PGM3: variants seen among roughly 807,000 people sequenced by gnomAD.
The protein encoded by PGM3 is phosphoglucomutase 3, also known as phosphoacetylglucosamine mutase.
In PGM3, 40 loss-of-function variants were observed where a neutral mutation model predicts 66.2. That is an observed-to-expected ratio of 0.60 (90% confidence interval 0.47 to 0.79). The LOEUF (loss-of-function observed/expected upper bound fraction) is 0.79, where lower values mean the gene tolerates loss of function less well. Among genes scored for constraint, PGM3 ranks in the 30% least tolerant of loss-of-function variants. PGM3 has a pLI of 0.00. For missense variants in PGM3, 537 were observed against 643.4 expected (o/e 0.83, Z 1.79); for synonymous variants, 191 against 224.2 (o/e 0.85, Z 1.32).
intron 5 of PGM3, among the ~76,000 whole-genome samples, chr6:83,182,427 C>T (rs1788242778): frequency 6.6e-6 from 1 of 152,162 alleles, no homozygotes; most frequent in African/African-American, 2.4e-5. Flanking sequence ...GACATATACT[C>T]AATATTTGTT....
Position 83,165,818 on chromosome 6 carries a change from G to A in PGM3, c.*3416C>T. On this transcript the variant is annotated 3_prime_UTR_variant, in exon 13 of 13. Coordinates refer to ENST00000513973, the MANE Select transcript of PGM3 (RefSeq NM_015599.3). ...CGTGAAAAGAATTGGGCCCTTTCTG[G>A]TGGCCAATGCCGGCTGCAGGCATTG... The A allele has an allele frequency of 1.6e-5, 5 of 311,680 alleles. 1 individual carries two copies. Among genetic ancestry groups the A allele is most frequent in the South Asian group, 1.2e-4 (4 of 33,708 alleles). 19.3% of individuals were successfully genotyped at this position (311,680 alleles called of 1,614,324 possible).
intron 4 of PGM3, among the ~76,000 whole-genome samples, chr6:83,184,312 G>T (rs1176615982): frequency 6.6e-6 from 1 of 152,066 alleles, no homozygotes; most frequent in Admixed American, 6.5e-5. Flanking sequence ...GAATTTGACT[G>T]CAGGCAAAAA....
At chr6:83,189,221 G>A (rs928575696) in intron 2 of PGM3, among the ~76,000 whole-genome samples, 1 of 152,150 alleles carries the variant, frequency 6.6e-6, no homozygotes, top group Non-Finnish European at 1.5e-5. Flanking sequence ...GGCACAAGTG[G>A]AGCAGAATAA....
At chr6:83,151,673 A>C in the PGM3 span, 195 of 1,590,978 alleles carry the variant, frequency 1.2e-4, 2 homozygotes, top group South Asian at 1.0e-3. Context: ...AGGCAGTCTA[A>C]GAGCTGTTGC....
chr6:83,157,552 T>C (rs1194320755), downstream of PGM3, among the ~76,000 whole-genome samples: 1 of 152,226 alleles, frequency 6.6e-6, no homozygotes, highest in East Asian at 1.9e-4. Flanking sequence ...GAATGATTAC[T>C]TTCTTGGATC....
downstream of PGM3, chr6:83,162,887 C>T (rs764952238): frequency 3.7e-6 from 6 of 1,612,680 alleles, no homozygotes; most frequent in Non-Finnish European, 5.1e-6. Flanking sequence ...TTACGTGGTA[C>T]GACTAGCAAA....
At chr6:83,192,957 C>T (rs1293724800) in intron 1 of PGM3, 1 of 152,324 alleles carries the variant, frequency 6.6e-6, no homozygotes, top group Non-Finnish European at 1.5e-5. Flanking sequence ...CCTAGGTCCA[C>T]GTACCAGAGC....
chr6:83,170,240 T>C, intron 12 of PGM3, 65 bp downstream of exon 12: 6 of 1,457,400 alleles, frequency 4.1e-6, no homozygotes, highest in Non-Finnish European at 5.7e-6. Flanking sequence ...TAAAAACCAT[T>C]AAAATAGTTT....
rs143654268 is a variant in PGM3 at position 83,169,251 on chromosome 6, G to T, written c.1612C>A (p.Pro538Thr). 561 of 1,614,020 alleles carry T rather than the reference G, an allele frequency of 3.5e-4. 1 individual carries two copies. Among genetic ancestry groups the T allele is most frequent in the Non-Finnish European group, 4.2e-4 (500 of 1,179,932 alleles). Reference sequence around the variant, plus strand: ...AATTATCTTCAGAAACCTGGTTGGGGCCTTTCTCCAATTCCTCCAGCCAGC... The same window carrying T: ...AATTATCTTCAGAAACCTGGTTGGGTCCTTTCTCCAATTCCTCCAGCCAGC... ...FQLAGGIGER[P>T]QPGF is the part of the protein sequence containing the mutation. The change falls in exon 13 of 13, where the codon CCC becomes ACC. Residue 538 changes from proline (P) to threonine (T), a missense_variant. Coordinates refer to ENST00000513973, the MANE Select transcript of PGM3 (RefSeq NM_015599.3).
chr6:83,164,671 G>C, downstream of PGM3: 2 of 1,581,810 alleles, frequency 1.3e-6, no homozygotes, highest in Non-Finnish European at 1.7e-6. Flanking sequence ...ACAAGGAGGA[G>C]GACTTTAAGA....
At chr6:83,191,138 GT>G in intron 1 of PGM3, 124 bp from the exon 2 acceptor site, 1 of 1,477,784 alleles carries the variant, frequency 6.8e-7, no homozygotes, top group Non-Finnish European at 9.2e-7. Flanking sequence ...AGAACCCTAT[GT>G]TTGACAGAGC....
chr6:83,169,316 G>A lies in PGM3; in HGVS notation c.1547C>T (p.Ala516Val). 1 of 1,613,216 alleles carries A rather than the reference G, an allele frequency of 6.2e-7. No homozygotes were observed. The highest frequency in any genetic ancestry group is 8.5e-7 in the Non-Finnish European group (1 of 1,179,266). ...VYAEADSQES[A>V]DHLAHEVSLA... ...GCTCACTTCATGTGCAAGGTGATCT[G>A]CACTTTCCTGCAAATTACATTAAAA... The change falls in exon 13 of 13, where the codon GCA becomes GTA. Residue 516 changes from alanine to valine, a missense_variant. By Grantham distance (64) the Ala-to-Val change is moderately conservative. Coordinates refer to ENST00000513973, the MANE Select transcript of PGM3 (RefSeq NM_015599.3).
Position 83,179,808 on chromosome 6 carries a change from A to G in PGM3, c.945+2T>C. ...AGAGGGTAGCCAATCCCCCCACCAT[A>G]CCTCCACCAGGAGCTCTTTAAGGAA... is the stretch of plus-strand genomic sequence containing the variant. On this transcript the variant is annotated splice_donor_variant, in intron 7 of 12. Transcript: ENST00000513973. LOFTEE classifies it high-confidence loss of function. The G allele has an allele frequency of 6.2e-7, 1 of 1,606,460 alleles. No homozygotes were observed. The highest frequency in any genetic ancestry group is 8.5e-7 in the Non-Finnish European group (1 of 1,176,246).
chr6:83,153,877 G>T, the PGM3 span: 1 of 1,594,592 alleles, frequency 6.3e-7, no homozygotes, highest in Non-Finnish European at 8.5e-7. Context: ...GGTTAAGGTG[G>T]TTTTTCTTCC....
chr6:83,173,457 T>C (rs1787468847), intron 10 of PGM3, among the ~76,000 whole-genome samples: 1 of 152,188 alleles, frequency 6.6e-6, no homozygotes, highest in Non-Finnish European at 1.5e-5. Context: ...CAATGATTGA[T>C]AGAAAGCATC....
chr6:83,174,811 G>C (rs889665456), intron 9 of PGM3, among the ~76,000 whole-genome samples: 8 of 152,122 alleles, frequency 5.3e-5, no homozygotes, highest in African/African-American at 1.9e-4. Flanking sequence ...AATCATTTCT[G>C]TGCAACCAGG....
At chr6:83,170,569 C>CCTG in intron 11 of PGM3, 91 bp from the exon 12 acceptor site, 1 of 971,284 alleles carries the variant, frequency 1.0e-6, no homozygotes, top group Non-Finnish European at 1.5e-6. Flanking sequence ...AAGTGCCAGA[C>CCTG]TAAATATAAA....
At chr6:83,186,497 C>G (rs1034294607) in intron 4 of PGM3, among the ~76,000 whole-genome samples, 1 of 152,280 alleles carries the variant, frequency 6.6e-6, no homozygotes, top group South Asian at 2.1e-4. Flanking sequence ...ATGGTGGAGG[C>G]AGTGCCTTCA....
chr6:83,173,201 C>A (rs2128487402), intron 10 of PGM3, among the ~76,000 whole-genome samples: 1 of 152,280 alleles, frequency 6.6e-6, no homozygotes, highest in Admixed American at 6.5e-5. Context: ...CATGTGCTTT[C>A]TCACATGCAG....
Sources: gnomAD v4.1 joint callset for allele counts (sites outside exome capture counted in the v4.1 genomes callset) on GRCh38, gnomAD v4.1.1 for gene constraint, MANE v1.5 for transcripts, NCBI Gene and HGNC (gene_info 2026-07-23, HGNC 2026-07-21) for gene names.